The following SIAE variants were observed in gnomAD, a reference collection of about 807,000 sequenced individuals.
The protein encoded by SIAE is sialic acid acetylesterase.
SIAE carries 39 observed loss-of-function variants against 52.6 expected under a neutral mutation model. The observed-to-expected ratio is 0.74, with a 90% confidence interval of 0.57 to 0.97. The LOEUF (loss-of-function observed/expected upper bound fraction) is 0.97. Ranked by LOEUF, SIAE falls within the 50% of genes least tolerant of loss-of-function variation. SIAE has a pLI of 0.00. For missense variants in SIAE, 592 were observed against 662.1 expected (o/e 0.89, Z 1.16); for synonymous variants, 233 against 241.4 (o/e 0.97, Z 0.32).
intron 2 of SIAE, among the ~76,000 whole-genome samples, chr11:124,662,258 A>G (rs969277361): frequency 1.3e-5 from 2 of 152,228 alleles, no homozygotes; most frequent in Admixed American, 1.3e-4. Flanking sequence ...GGCAGCTAGG[A>G]CAGATTGTGT....
intron 4 of SIAE, among the ~76,000 whole-genome samples, chr11:124,653,085 A>G (rs1390756796): frequency 6.6e-6 from 1 of 152,170 alleles, no homozygotes; most frequent in Non-Finnish European, 1.5e-5. Context: ...ATTTACCTGA[A>G]TCCATTCAGT....
At chr11:124,651,437 G>A (rs1267327648) in intron 4 of SIAE, among the ~76,000 whole-genome samples, 1 of 151,834 alleles carries the variant, frequency 6.6e-6, no homozygotes, top group Non-Finnish European at 1.5e-5. Flanking sequence ...AATCCCAGCT[G>A]CCTAGGAGGC....
chr11:124,641,516 C>T (rs566063061), intron 7 of SIAE, among the ~76,000 whole-genome samples: 2 of 152,300 alleles, frequency 1.3e-5, no homozygotes, highest in South Asian at 2.1e-4. Flanking sequence ...TGCACGACAT[C>T]GTGAATGTGC....
chr11:124,673,700 C>G lies in SIAE; in HGVS notation c.9G>C (p.Ala3=). The G allele has an allele frequency of 6.2e-7, 1 of 1,613,526 alleles. No homozygotes were observed. Among genetic ancestry groups the G allele is most frequent in the Non-Finnish European group, 8.5e-7 (1 of 1,179,768 alleles). MV[A]PGLVLGLVLP... is the part of the protein sequence containing the mutation. ...GCACCAGCCCGAGTACAAGCCCCGG[C>G]GCGACCATGCTTGCAAGGATCTGAC... The change falls in exon 1 of 10, where the codon GCG becomes GCC. Residue 3 remains alanine (A), a synonymous_variant. Coordinates refer to ENST00000263593, the MANE Select transcript of SIAE (RefSeq NM_170601.5).
At chr11:124,675,129 G>A (rs1943443981), upstream of SIAE, 1 of 1,140,224 alleles carries the variant, frequency 8.8e-7, no homozygotes, top group Non-Finnish European at 1.2e-6. Flanking sequence ...AGGGAAAAAA[G>A]AATTCAAGTC....
chr11:124,646,621 GA>G (rs2134362851), intron 7 of SIAE, among the ~76,000 whole-genome samples: 1 of 152,292 alleles, frequency 6.6e-6, no homozygotes, highest in South Asian at 2.1e-4. Context: ...CAGTTGTTAA[GA>G]GCATAAATTT....
intron 7 of SIAE, 41 bp from the exon 8 acceptor site, chr11:124,639,908 C>G (rs773082258): frequency 6.2e-6 from 10 of 1,608,700 alleles, no homozygotes; most frequent in Non-Finnish European, 8.5e-6. Context: ...GTATCAGAAT[C>G]CCACACTGGA....
intron 7 of SIAE, 105 bp from the exon 8 acceptor site, chr11:124,639,972 C>T: frequency 7.7e-7 from 1 of 1,297,074 alleles, no homozygotes; most frequent in South Asian, 1.2e-5. Context: ...TTTAAATGCT[C>T]ATTCAACACG....
intron 3 of SIAE, among the ~76,000 whole-genome samples, chr11:124,656,907 G>A (rs1471764966): frequency 6.6e-6 from 1 of 152,158 alleles, no homozygotes; most frequent in Non-Finnish European, 1.5e-5. Flanking sequence ...TGGTCACAGA[G>A]TGTGCAGCTG....
chr11:124,662,212 A>G (rs1311628482), intron 2 of SIAE, among the ~76,000 whole-genome samples: 1 of 152,202 alleles, frequency 6.6e-6, no homozygotes, highest in Admixed American at 6.5e-5. Context: ...TGTATAATTC[A>G]CCTAAACCAG....
chr11:124,639,679 T>C, intron 8 of SIAE, 31 bp downstream of exon 8: 1 of 1,613,778 alleles, frequency 6.2e-7, no homozygotes, highest in Non-Finnish European at 8.5e-7. Context: ...GAACATACAC[T>C]GTTCATGCAA....
chr11:124,638,905 T>C (rs559116864), intron 8 of SIAE, among the ~76,000 whole-genome samples, 168 bp from the exon 9 acceptor site: 2 of 152,244 alleles, frequency 1.3e-5, no homozygotes, highest in Admixed American at 1.3e-4. Context: ...ATGGTAACCA[T>C]AGATGGGGCT....
Position 124,645,068 on chromosome 11 carries a change from G to A in SIAE, c.966+2297C>T, listed in dbSNP as rs756893686. ...TAACAAAGAGTTCAGTATCGTGTTC[G>A]AAATCACGTGGCTCAGGAGGTGTCA... is the stretch of plus-strand genomic sequence containing the variant. On this transcript the variant is annotated intron_variant, in intron 7 of 9. Coordinates refer to ENST00000263593, the MANE Select transcript of SIAE (RefSeq NM_170601.5). This position sits in a 1 kb window ranked among gnomAD's most constrained non-coding sequence, Gnocchi z 4.7. Among the ~76,000 whole-genome samples the A allele has an allele frequency of 4.6e-5, 7 of 152,104 alleles. No individual in the cohort carries two copies. Among genetic ancestry groups the A allele is most frequent in the South Asian group, 2.1e-4 (1 of 4,824 alleles).
chr11:124,670,484 C>G lies in SIAE; in HGVS notation c.68-963G>C, dbSNP rs1391152651. The stretch of plus-strand genomic sequence containing the variant: ...GGAAAAAAATAAAACAAATTATATC[C>G]CAATTTATCTGAATAAAACAGACCC... On this transcript the variant is annotated intron_variant, in intron 1 of 9. Transcript: ENST00000263593. This position sits in a 1 kb window ranked among gnomAD's most constrained non-coding sequence, Gnocchi z 4.5. Among the ~76,000 whole-genome samples, 2 of 152,032 alleles carry G rather than the reference C, an allele frequency of 1.3e-5. No homozygotes were observed. Among genetic ancestry groups the G allele is most frequent in the African/African-American group, 4.8e-5 (2 of 41,382 alleles).
At position 124,654,759 on chromosome 11, in the gene SIAE, GCA is replaced by G; in HGVS notation, c.438_439del (p.Ala147GlyfsTer26). The G allele has an allele frequency of 4.3e-6, 7 of 1,613,992 alleles. No homozygotes were observed. Among genetic ancestry groups the G allele is most frequent in the Non-Finnish European group, 5.9e-6 (7 of 1,180,012 alleles). The stretch of plus-strand genomic sequence containing the variant: ...GAGGATGCGGACAGACTGATATGCC[GCA>G]GTGTTAGACAACTCCCTTGTAGCAT... On this transcript the variant is annotated frameshift_variant, in exon 4 of 10. Coordinates refer to ENST00000263593, the MANE Select transcript of SIAE (RefSeq NM_170601.5). LOFTEE classifies it high-confidence loss of function.
rs1001562395 is a variant in SIAE, at chr11:124,635,856, G to A, written c.*1095C>T. The A allele has an allele frequency of 6.6e-6, 1 of 152,106 alleles. No individual in the cohort carries two copies. The allele number at this position is 152,106 out of a possible 1,614,324, so 9.4% of individuals were successfully genotyped here. On this transcript the variant is annotated 3_prime_UTR_variant, in exon 10 of 10. Transcript: ENST00000263593. Reference sequence around the variant, plus strand: ...ATAGGTAACATAATTTTCAGACAATGTTAGCTGTTTTTAATCCATCAGTAA... The same window carrying A: ...ATAGGTAACATAATTTTCAGACAATATTAGCTGTTTTTAATCCATCAGTAA...
chr11:124,670,956 G>A lies in SIAE; in HGVS notation c.68-1435C>T, dbSNP rs956613202. On this transcript the variant is annotated intron_variant, in intron 1 of 9. Coordinates refer to ENST00000263593, the MANE Select transcript of SIAE (RefSeq NM_170601.5). This position sits in a 1 kb window ranked among gnomAD's most constrained non-coding sequence, Gnocchi z 4.5. ...TGGGAGGGCCTTGTCTTGGGTAGGTGCTTCATATGGAACCAAAAAAAGGAA... is the reference window on the plus strand; with the variant it reads ...TGGGAGGGCCTTGTCTTGGGTAGGTACTTCATATGGAACCAAAAAAAGGAA... Among the ~76,000 whole-genome samples the A allele has an allele frequency of 3.3e-5, 5 of 152,156 alleles. No individual in the cohort carries two copies. The highest frequency in any genetic ancestry group is 2.0e-4 in the Admixed American group (3 of 15,274).
At chr11:124,658,944 TG>T (rs1943142722) in intron 3 of SIAE, 1 of 152,196 alleles carries the variant, frequency 6.6e-6, no homozygotes, top group Non-Finnish European at 1.5e-5. Context: ...ACTTGGCTTT[TG>T]GTACTGTCAG....
At chr11:124,673,996 C>A, upstream of SIAE, 1 of 486,110 alleles carries the variant, frequency 2.1e-6, no homozygotes, top group Non-Finnish European at 3.7e-6. Flanking sequence ...AAGACCTAGC[C>A]TTTTCCCTTC....
Sources: allele counts gnomAD v4.1 joint callset (sites outside exome capture counted in the v4.1 genomes callset), GRCh38; gene constraint gnomAD v4.1.1; non-coding constraint Gnocchi (gnomAD v3.1); transcripts MANE v1.5; gene names NCBI Gene and HGNC (gene_info 2026-07-23, HGNC 2026-07-21).